The following SERTM1 variants were observed in gnomAD, a reference collection of about 807,000 sequenced individuals.
The protein encoded by SERTM1 is serine rich and transmembrane domain containing 1, also known as serine-rich and transmembrane domain-containing protein 1.
Under a neutral mutation model 5.5 loss-of-function variants are expected in SERTM1, and 1 was observed. That is an observed-to-expected ratio of 0.18 (90% CI 0.06 to 0.86). SERTM1 has a LOEUF of 0.86. Ranked by LOEUF, SERTM1 falls within the 40% of genes least tolerant of loss-of-function variation. The pLI is 0.69. For missense variants in SERTM1, 91 were observed against 122.4 expected, an observed-to-expected ratio of 0.74 and a Z score of 1.21; for synonymous variants, 52 against 55.1, an observed-to-expected ratio of 0.94 and a Z score of 0.25.
chr13:36,675,568 G>C (rs1038542164), intron 1 of SERTM1, among the ~76,000 whole-genome samples: 23 of 152,174 alleles, frequency 1.5e-4, no homozygotes, highest in African/African-American at 5.5e-4. Context: ...GGGTGTCTCA[G>C]CTTATTTGTG....
At chr13:36,676,650 TAAATG>T (rs1281167714) in intron 1 of SERTM1, among the ~76,000 whole-genome samples, 5 of 152,224 alleles carry the variant, frequency 3.3e-5, no homozygotes, top group African/African-American at 1.2e-4. Flanking sequence ...AAATATTTGT[TAAATG>T]AAACTAAAAG....
At chr13:36,685,708 C>A (rs913890821) in intron 1 of SERTM1, among the ~76,000 whole-genome samples, 2 of 152,158 alleles carry the variant, frequency 1.3e-5, no homozygotes, top group Non-Finnish European at 2.9e-5. Context: ...CTCACCCAAA[C>A]CAAGGTGATT....
intron 1 of SERTM1, among the ~76,000 whole-genome samples, chr13:36,691,614 A>T (rs1385260061): frequency 6.6e-6 from 1 of 152,170 alleles, no homozygotes; most frequent in Non-Finnish European, 1.5e-5. Context: ...CCTTCTGAGG[A>T]CAGTGATTCT....
chr13:36,687,862 AG>A (rs1039393022), intron 1 of SERTM1, among the ~76,000 whole-genome samples: 7 of 152,106 alleles, frequency 4.6e-5, no homozygotes, highest in African/African-American at 1.7e-4. Context: ...TGAGAGATGG[AG>A]TTTCAAGTTC....
At chr13:36,687,480 G>C (rs897124979) in intron 1 of SERTM1, among the ~76,000 whole-genome samples, 39 of 151,992 alleles carry the variant, frequency 2.6e-4, no homozygotes, top group African/African-American at 9.2e-4. Flanking sequence ...AAGGGGAAAA[G>C]TATCTCCTTA....
chr13:36,687,087 A>C (rs1208594154), intron 1 of SERTM1, among the ~76,000 whole-genome samples: 2 of 152,202 alleles, frequency 1.3e-5, no homozygotes, highest in African/African-American at 2.4e-5. Context: ...TGTTATGCCA[A>C]ACACTTGGCT....
intron 1 of SERTM1, among the ~76,000 whole-genome samples, chr13:36,687,444 A>G (rs552128268): frequency 6.6e-6 from 1 of 152,262 alleles, no homozygotes; most frequent in African/African-American, 2.4e-5. Flanking sequence ...TGGATCCAAA[A>G]TCTACCAATG....
intron 1 of SERTM1, among the ~76,000 whole-genome samples, chr13:36,689,997 T>A (rs1420862967): frequency 6.6e-6 from 1 of 152,204 alleles, no homozygotes; most frequent in Non-Finnish European, 1.5e-5. Flanking sequence ...GATACCAAGC[T>A]ATTAATTTGT....
Position 36,695,148 on chromosome 13 carries a change from C to G in SERTM1, c.70C>G (p.Pro24Ala), listed in dbSNP as rs1427737557. 1 of 1,614,210 alleles carries G rather than the reference C, an allele frequency of 6.2e-7. No homozygotes were observed. Among genetic ancestry groups the G allele is most frequent in the Non-Finnish European group, 8.5e-7 (1 of 1,180,000 alleles). Residue 24 changes from proline to alanine, a missense_variant, in exon 2 of 2, where the codon CCC becomes GCC. Physicochemically the swap from Pro to Ala is conservative, Grantham distance 27. Coordinates refer to ENST00000315190, the MANE Select transcript of SERTM1 (RefSeq NM_203451.3). Reference sequence around the variant, plus strand: ...GAATGGAACTTTTCTTGAGCTGTTTCCCACATCCCTGTCCACGTCAGTGGA... The same window carrying G: ...GAATGGAACTTTTCTTGAGCTGTTTGCCACATCCCTGTCCACGTCAGTGGA... ...VENGTFLELF[P>A]TSLSTSVDPS...
At chr13:36,689,506 AAATAAT>A (rs3052684) in intron 1 of SERTM1, among the ~76,000 whole-genome samples, 66,323 of 141,768 alleles carry the variant, frequency 0.47, 15,958 homozygotes, top group Middle Eastern at 0.57. Context: ...CTCTGTCTCA[AAATAAT>A]AATAATAATA....
intron 1 of SERTM1, among the ~76,000 whole-genome samples, chr13:36,685,138 T>C (rs561001125): frequency 6.6e-6 from 1 of 152,360 alleles, no homozygotes; most frequent in South Asian, 2.1e-4. Flanking sequence ...CTTGATAGCC[T>C]GCCATATCAT....
chr13:36,684,130 T>C (rs1265291861), intron 1 of SERTM1, among the ~76,000 whole-genome samples: 1 of 152,096 alleles, frequency 6.6e-6, no homozygotes, highest in Non-Finnish European at 1.5e-5. Flanking sequence ...AAACCCCGTC[T>C]CTACTAAAAT....
At chr13:36,674,853 G>C (rs1164613532) in intron 1 of SERTM1, among the ~76,000 whole-genome samples, 1 of 152,050 alleles carries the variant, frequency 6.6e-6, no homozygotes, top group Non-Finnish European at 1.5e-5. Context: ...GTTTTCCCTA[G>C]CTCCCGGAAA....
chr13:36,686,308 G>A (rs1406633105), intron 1 of SERTM1, among the ~76,000 whole-genome samples: 1 of 152,200 alleles, frequency 6.6e-6, no homozygotes, highest in Non-Finnish European at 1.5e-5. Flanking sequence ...AATGCCCACA[G>A]AAGAATCTGG....
chr13:36,679,523 T>C, intron 1 of SERTM1, among the ~76,000 whole-genome samples: 1 of 152,180 alleles, frequency 6.6e-6, no homozygotes, highest in Admixed American at 6.5e-5. Context: ...TTCTCCTGTC[T>C]CAGCCTCCTG....
At chr13:36,679,154 A>C (rs909375586) in intron 1 of SERTM1, among the ~76,000 whole-genome samples, 4 of 152,236 alleles carry the variant, frequency 2.6e-5, no homozygotes, top group African/African-American at 4.8e-5. Flanking sequence ...CTCAAAAAAA[A>C]AATTTACTAA....
intron 1 of SERTM1, among the ~76,000 whole-genome samples, chr13:36,690,330 G>C (rs974519585): frequency 1.6e-4 from 24 of 152,232 alleles, no homozygotes; most frequent in Non-Finnish European, 1.5e-5. Context: ...GTACTGATAA[G>C]TAAAGGCGGT....
chr13:36,689,260 G>A (rs977827584), intron 1 of SERTM1, among the ~76,000 whole-genome samples: 1 of 151,918 alleles, frequency 6.6e-6, no homozygotes. Flanking sequence ...AATCCCAGCA[G>A]TTTGGGAGGC....
Position 36,695,447 on chromosome 13 carries a change from C to A in SERTM1, c.*45C>A. ...GAGTGTGGCAGCAGTTTTGACATCCCCTTACGGAAGTGTCCCGTGAGGCAT... is the reference window on the plus strand; with the variant it reads ...GAGTGTGGCAGCAGTTTTGACATCCACTTACGGAAGTGTCCCGTGAGGCAT... On this transcript the variant is annotated 3_prime_UTR_variant, in exon 2 of 2. Coordinates refer to ENST00000315190, the MANE Select transcript of SERTM1 (RefSeq NM_203451.3). 1 of 1,462,210 alleles carries A rather than the reference C, an allele frequency of 6.8e-7. No individual in the cohort carries two copies. The highest frequency in any genetic ancestry group is 9.5e-7 in the Non-Finnish European group (1 of 1,055,368). 90.6% of individuals were successfully genotyped at this position (1,462,210 alleles called of 1,614,324 possible). A position where few individuals can be genotyped will look rare whatever the true frequency, so the allele number is the denominator to read the frequency against.
Sources: gnomAD v4.1 joint callset for allele counts (sites outside exome capture counted in the v4.1 genomes callset) on GRCh38, gnomAD v4.1.1 for gene constraint, MANE v1.5 for transcripts, NCBI Gene and HGNC (gene_info 2026-07-23, HGNC 2026-07-21) for gene names.